ATP6V0A1: variants seen among roughly 807,000 people sequenced by gnomAD.
ATP6V0A1 encodes ATPase H+ transporting V0 subunit a1.
ATP6V0A1 carries 43 observed loss-of-function variants against 105.4 expected under a neutral mutation model. The observed-to-expected ratio is 0.41, with a 90% CI of 0.32 to 0.53. The LOEUF (loss-of-function observed/expected upper bound fraction) is 0.53, where lower values mean the gene tolerates loss of function less well. Among genes scored for constraint, ATP6V0A1 ranks in the 20% least tolerant of loss-of-function variants. The pLI, the probability that ATP6V0A1 is intolerant of heterozygous loss-of-function variation, is 0.30. For synonymous variants in ATP6V0A1, 362 were observed against 372.8 expected (o/e 0.97, Z 0.33); for missense variants, 676 against 1,051.1 (o/e 0.64, Z 4.93).
intron 15 of ATP6V0A1, 117 bp from the exon 16 acceptor site, chr17:42,500,590 G>A: frequency 1.3e-6 from 1 of 781,718 alleles, no homozygotes; most frequent in South Asian, 1.7e-5. Flanking sequence ...GCTGCTTAAA[G>A]TGATAAAGAC....
chr17:42,513,517 G>T, intron 19 of ATP6V0A1: 1 of 225,754 alleles, frequency 4.4e-6, no homozygotes, highest in Non-Finnish European at 8.9e-6. Context: ...CGTCAACTCA[G>T]CACACACTCC....
Position 42,466,520 on chromosome 17 carries a change from T to A in ATP6V0A1, c.196+13T>A. On this transcript the variant is annotated intron_variant, in intron 3 of 21. Coordinates refer to ENST00000343619, the MANE Select transcript of ATP6V0A1 (RefSeq NM_001130021.3). ...GATCGAAAGCTTCGTATGTGCACTT[T>A]GGTCTTGTGTAATGTTCCTTTAATG... The A allele has an allele frequency of 6.2e-7, 1 of 1,606,156 alleles. No individual in the cohort carries two copies. Among genetic ancestry groups the A allele is most frequent in the Non-Finnish European group, 8.5e-7 (1 of 1,173,110 alleles).
chr17:42,471,854 G>A (rs2087999615), intron 5 of ATP6V0A1, among the ~76,000 whole-genome samples: 1 of 152,108 alleles, frequency 6.6e-6, no homozygotes. Flanking sequence ...AGGAGTCTTA[G>A]CTTTCAACTT....
chr17:42,520,452 C>A (rs916901655), intron 21 of ATP6V0A1: 6 of 456,652 alleles, frequency 1.3e-5, no homozygotes, highest in Admixed American at 1.2e-4. Flanking sequence ...GAGAAGAATT[C>A]TTTCTCAGAT....
chr17:42,505,598 A>G (rs1328746031), intron 17 of ATP6V0A1, among the ~76,000 whole-genome samples: 1 of 151,992 alleles, frequency 6.6e-6, no homozygotes, highest in Non-Finnish European at 1.5e-5. Flanking sequence ...GTGGCCTCCC[A>G]AAGTGCTGGG....
intron 19 of ATP6V0A1, among the ~76,000 whole-genome samples, chr17:42,511,996 CCTTA>C (rs894600160): frequency 6.6e-6 from 1 of 151,850 alleles, no homozygotes; most frequent in African/African-American, 2.4e-5. Context: ...GTTAGGGTGA[CCTTA>C]CTAAGTAGAG....
intron 19 of ATP6V0A1, among the ~76,000 whole-genome samples, chr17:42,508,843 T>C (rs930966272): frequency 1.3e-5 from 2 of 152,242 alleles, no homozygotes; most frequent in African/African-American, 4.8e-5. Flanking sequence ...AGAATGGCTT[T>C]GAAAGGAGCT....
intron 8 of ATP6V0A1, 93 bp downstream of exon 8, chr17:42,480,842 A>G (rs2089405559): frequency 8.0e-6 from 9 of 1,129,460 alleles, no homozygotes; most frequent in African/African-American, 1.6e-5. Context: ...AATCCTTTTT[A>G]GTCTACCTCA....
At chr17:42,494,568 A>G in intron 12 of ATP6V0A1, 95 bp downstream of exon 12, 1 of 1,408,134 alleles carries the variant, frequency 7.1e-7, no homozygotes, top group Non-Finnish European at 9.6e-7. Flanking sequence ...TTATCCATGA[A>G]TTTATCAAAA....
intron 15 of ATP6V0A1, among the ~76,000 whole-genome samples, 191 bp from the exon 16 acceptor site, chr17:42,500,516 T>G (rs1000491003): frequency 6.6e-6 from 1 of 152,092 alleles, no homozygotes; most frequent in African/African-American, 2.4e-5. Flanking sequence ...AAAACCAAGG[T>G]TCAAAAGTTT....
Position 42,486,010 on chromosome 17 carries a change from T to C in ATP6V0A1, c.811-1145T>C, listed in dbSNP as rs188091173. 2.5e-3 allele frequency among the ~76,000 whole-genome samples: 381 copies of C among 152,356 alleles called. 5 individuals carry two copies. Among genetic ancestry groups the C allele is most frequent in the Non-Finnish European group, 3.2e-3 (220 of 68,032 alleles). The stretch of plus-strand genomic sequence containing the variant: ...ATTTTTCAGGGAGTAGTTACTGCTT[T>C]GTTCTGAACTAACTTGAAGAATTGT... On this transcript the variant is annotated intron_variant, in intron 9 of 21. Transcript: ENST00000343619.
chr17:42,461,044 G>A (rs1237914847), intron 2 of ATP6V0A1, 33 bp downstream of exon 2: 1 of 1,548,740 alleles, frequency 6.5e-7, no homozygotes, highest in Admixed American at 1.7e-5. Flanking sequence ...CTTGATTACT[G>A]CTGAACTCTA....
rs146561583 is a variant in ATP6V0A1, at chr17:42,484,912, C to T, written c.810+1781C>T. The stretch of plus-strand genomic sequence containing the variant: ...TCTCTCAGGCTAGAGTGCAGTGGCG[C>T]GATCTCGGCTCACTGCAACCTCTGC... On this transcript the variant is annotated intron_variant, in intron 9 of 21. Transcript: ENST00000343619. Among the ~76,000 whole-genome samples, 283 of 149,662 alleles carry T rather than the reference C, an allele frequency of 1.9e-3. 1 individual carries two copies. Among genetic ancestry groups the T allele is most frequent in the African/African-American group, 6.5e-3 (265 of 40,560 alleles).
Position 42,495,113 on chromosome 17 carries a change from A to G in ATP6V0A1, c.1394A>G (p.Asn465Ser). The G allele has an allele frequency of 6.2e-7, 1 of 1,613,986 alleles. No individual in the cohort carries two copies. Among genetic ancestry groups the G allele is most frequent in the Non-Finnish European group, 8.5e-7 (1 of 1,179,898 alleles). Residue 465 changes from asparagine to serine, a missense_variant, in exon 13 of 22, where the codon AAT (asparagine) becomes AGT (serine). Asn to Ser is a conservative substitution (Grantham distance 46). Around this residue, in one of 3 missense-constraint regions of ATP6V0A1, gnomAD observed 435 missense variants for 642.2 expected, o/e 0.68. Coordinates refer to ENST00000343619, the MANE Select transcript of ATP6V0A1 (RefSeq NM_001130021.3). ...VFSMYTGLIY[N>S]DCFSKSLNIF... is the part of the protein sequence containing the mutation. ...TCCATGTACACTGGCCTCATCTACA[A>G]TGATTGCTTTTCCAAGTCTCTTAAT...
intron 5 of ATP6V0A1, among the ~76,000 whole-genome samples, chr17:42,477,151 A>G (rs538538337): frequency 3.2e-4 from 48 of 152,292 alleles, no homozygotes; most frequent in African/African-American, 1.2e-3. Context: ...TTGGAAAGAG[A>G]GCCTCTATCT....
At chr17:42,515,444 G>A (rs1173117251) in intron 21 of ATP6V0A1, among the ~76,000 whole-genome samples, 21 of 148,916 alleles carry the variant, frequency 1.4e-4, no homozygotes, top group African/African-American at 5.0e-4. Flanking sequence ...ACTCCAGCCT[G>A]GGCAACAGAG....
At chr17:42,473,873 C>A (rs966465693) in intron 5 of ATP6V0A1, among the ~76,000 whole-genome samples, 2 of 152,114 alleles carry the variant, frequency 1.3e-5, no homozygotes, top group Non-Finnish European at 2.9e-5. Context: ...ATTTTAAAAT[C>A]ATAATTTATG....
At chr17:42,499,115 T>C in intron 15 of ATP6V0A1, 73 bp downstream of exon 15, 2 of 1,123,348 alleles carry the variant, frequency 1.8e-6, no homozygotes, top group Non-Finnish European at 2.6e-6. Context: ...AATCATGACA[T>C]CTTTGGGGAG....
chr17:42,473,689 C>T (rs1484525017), intron 5 of ATP6V0A1, among the ~76,000 whole-genome samples: 2 of 152,030 alleles, frequency 1.3e-5, no homozygotes, highest in Admixed American at 6.6e-5. Context: ...CTTTCAAGAC[C>T]TCGTAAGTTT....
Sources: allele counts gnomAD v4.1 joint callset (sites outside exome capture counted in the v4.1 genomes callset), GRCh38; gene constraint gnomAD v4.1.1; regional missense constraint gnomAD v4.1.1; transcripts MANE v1.5; gene names NCBI Gene and HGNC (gene_info 2026-07-23, HGNC 2026-07-21).